The following SPOP variants were observed in gnomAD, a reference collection of about 807,000 sequenced individuals.
SPOP encodes speckle-type POZ protein.
Under a neutral mutation model 45.6 loss-of-function variants are expected in SPOP, and 11 were observed. The ratio of observed to expected loss-of-function variants is 0.24; its 90% CI spans 0.15 to 0.40. The LOEUF (loss-of-function observed/expected upper bound fraction) is 0.40. SPOP is among the 10% of genes least tolerant of loss of function. The pLI, the probability that SPOP is intolerant of heterozygous loss-of-function variation, is 1.00. For missense variants in SPOP, 152 were observed against 465.6 expected, an observed-to-expected ratio of 0.33 and a Z score of 6.20; for synonymous variants, 166 against 166.3, an observed-to-expected ratio of 1.00 and a Z score of 0.01.
At chr17:49,643,758 G>A (rs1452981766) in intron 1 of SPOP, among the ~76,000 whole-genome samples, 3 of 151,258 alleles carry the variant, frequency 2.0e-5, no homozygotes, top group Admixed American at 6.6e-5. Context: ...TGGTGAAACC[G>A]CATCTCTACA....
At chr17:49,651,582 G>A (rs1380040682) in intron 1 of SPOP, among the ~76,000 whole-genome samples, 1 of 152,168 alleles carries the variant, frequency 6.6e-6, no homozygotes, top group Admixed American at 6.5e-5. Context: ...TGATTCTTAA[G>A]ATGTGAAAGG....
intron 8 of SPOP, 26 bp downstream of exon 8, chr17:49,607,224 T>G: frequency 1.2e-6 from 2 of 1,613,956 alleles, no homozygotes; most frequent in South Asian, 2.2e-5. Flanking sequence ...CTCCTAGTCC[T>G]GATTATTTTT....
In SPOP at chr17:49,600,592, T is replaced by C. The variant is rs1205015575; in HGVS notation, c.981-70A>G. 3 of 1,567,066 alleles carry C rather than the reference T, an allele frequency of 1.9e-6. No homozygotes were observed. Among genetic ancestry groups the C allele is most frequent in the Non-Finnish European group, 2.6e-6 (3 of 1,142,306 alleles). On this transcript the variant is annotated intron_variant, in intron 9 of 9. Coordinates refer to ENST00000504102, the MANE Select transcript of SPOP (RefSeq NM_001007228.2). The surrounding 1 kb of genome is among the most constrained non-coding windows in gnomAD (Gnocchi z 4.2). ...GGGATGAATTCAACAGCCACCTAGA[T>C]AGCCTAATTTTCCACTGTTAGGTAT... is the stretch of plus-strand genomic sequence containing the variant.
At chr17:49,614,164 A>G (rs1267697462) in intron 5 of SPOP, among the ~76,000 whole-genome samples, 1 of 152,228 alleles carries the variant, frequency 6.6e-6, no homozygotes, top group Non-Finnish European at 1.5e-5. Flanking sequence ...CTATATAATT[A>G]AAACAATCTA....
At position 49,609,875 on chromosome 17, in the gene SPOP, C is replaced by T. The variant is rs956368921; in HGVS notation, c.658+1405G>A. On this transcript the variant is annotated intron_variant, in intron 6 of 9. Transcript: ENST00000504102. ...TACTAGATAGATAGCAAGGGTATAA[C>T]CGGTAGAGTAAGGTTTCTGAGAAGG... 2.0e-5 allele frequency among the ~76,000 whole-genome samples: 3 copies of T among 151,134 alleles called. No individual in the cohort carries two copies. In the East Asian group the frequency reaches 5.8e-4, roughly 29 times the overall value.
chr17:49,640,147 G>T (rs979874921), intron 1 of SPOP, among the ~76,000 whole-genome samples: 1 of 151,980 alleles, frequency 6.6e-6, no homozygotes, highest in African/African-American at 2.4e-5. Context: ...CAGCTACTTG[G>T]AAGGCTGAGG....
intron 7 of SPOP, 47 bp downstream of exon 7, chr17:49,607,827 A>T (rs768410563): frequency 2.2e-5 from 34 of 1,549,370 alleles, no homozygotes; most frequent in Non-Finnish European, 2.9e-5. Flanking sequence ...AAATCATCTG[A>T]CTCTAGATAC....
intron 1 of SPOP, among the ~76,000 whole-genome samples, chr17:49,667,197 A>AAAAT (rs1314529663): frequency 6.6e-6 from 1 of 151,714 alleles, no homozygotes; most frequent in East Asian, 1.9e-4. Flanking sequence ...AAAAAAAAAA[A>AAAAT]AAATTAAAAC....
chr17:49,677,357 G>A (rs905518395), intron 1 of SPOP, among the ~76,000 whole-genome samples: 1 of 152,236 alleles, frequency 6.6e-6, no homozygotes, highest in Admixed American at 6.5e-5. Flanking sequence ...GGCTCTGCGA[G>A]GCGTTTGTAG....
intron 1 of SPOP, among the ~76,000 whole-genome samples, chr17:49,645,533 G>A (rs892716474): frequency 2.0e-5 from 3 of 151,728 alleles, no homozygotes; most frequent in Non-Finnish European, 4.4e-5. Context: ...CTGACCTTGT[G>A]ATCTGCCCAC....
intron 1 of SPOP, among the ~76,000 whole-genome samples, chr17:49,662,576 A>G (rs911759572): frequency 6.6e-6 from 1 of 151,702 alleles, no homozygotes; most frequent in Non-Finnish European, 1.5e-5. Flanking sequence ...AATCCCAGCT[A>G]CTCGGGAGGT....
intron 8 of SPOP, among the ~76,000 whole-genome samples, chr17:49,606,637 G>T (rs2071856582): frequency 6.6e-6 from 1 of 151,122 alleles, no homozygotes; most frequent in South Asian, 2.1e-4. Context: ...GGGACTACAA[G>T]TGTGCACCAT....
intron 1 of SPOP, among the ~76,000 whole-genome samples, chr17:49,652,644 C>A (rs12937072): frequency 0.14 from 21,742 of 152,144 alleles, 2,035 homozygotes; most frequent in Middle Eastern, 0.21. Flanking sequence ...ATTTAGAAGT[C>A]ACCAAAACTA....
intron 1 of SPOP, among the ~76,000 whole-genome samples, chr17:49,626,299 TTTC>T (rs2072329852): frequency 6.6e-6 from 1 of 152,338 alleles, no homozygotes; most frequent in Middle Eastern, 3.4e-3. Context: ...ATAGTTTTAT[TTTC>T]TTAATTATTC....
At chr17:49,641,663 T>C (rs1567790991) in intron 1 of SPOP, among the ~76,000 whole-genome samples, 1 of 152,110 alleles carries the variant, frequency 6.6e-6, no homozygotes, top group Non-Finnish European at 1.5e-5. Flanking sequence ...TATGCACTTA[T>C]TAATATTAAT....
At chr17:49,630,019 G>C (rs2072420476) in intron 1 of SPOP, among the ~76,000 whole-genome samples, 2 of 152,166 alleles carry the variant, frequency 1.3e-5, no homozygotes, top group Non-Finnish European at 1.5e-5. Context: ...GAACAGACCA[G>C]AGAATGGTCT....
chr17:49,618,618 C>T, intron 5 of SPOP: 1 of 457,882 alleles, frequency 2.2e-6, no homozygotes, highest in Non-Finnish European at 4.3e-6. Context: ...GGCCCTCACA[C>T]TTAAGGAGCC....
At chr17:49,653,163 A>C (rs945160694) in intron 1 of SPOP, among the ~76,000 whole-genome samples, 2 of 152,136 alleles carry the variant, frequency 1.3e-5, no homozygotes, top group African/African-American at 4.8e-5. Flanking sequence ...CTTCAGTGCT[A>C]AAGTTCTATG....
chr17:49,615,282 C>T (rs1323458555), intron 5 of SPOP, among the ~76,000 whole-genome samples: 1 of 152,110 alleles, frequency 6.6e-6, no homozygotes, highest in East Asian at 1.9e-4. Context: ...TACAACATGA[C>T]AAAGAGGTTC....
Sources: allele counts gnomAD v4.1 joint callset (sites outside exome capture counted in the v4.1 genomes callset), GRCh38; gene constraint gnomAD v4.1.1; non-coding constraint Gnocchi (gnomAD v3.1); transcripts MANE v1.5; gene names NCBI Gene and HGNC (gene_info 2026-07-23, HGNC 2026-07-21).